Variants in KCNN2 observed in about 807,000 individuals in gnomAD.
The protein encoded by KCNN2 is potassium calcium-activated channel subfamily N member 2, also known as small conductance calcium-activated potassium channel protein 2.
In KCNN2, 24 loss-of-function variants were observed where a neutral mutation model predicts 55.5. The observed-to-expected ratio is 0.43, with a 90% CI of 0.31 to 0.61. The LOEUF is 0.61. KCNN2 is among the 20% of genes least tolerant of loss of function. The pLI is 0.08. For synonymous variants in KCNN2, 431 were observed against 336.1 expected (o/e 1.28, Z -3.09); for missense variants, 754 against 853.6 (o/e 0.88, Z 1.45).
At chr5:114,278,286 G>C (rs958547410) in intron 2 of KCNN2, among the ~76,000 whole-genome samples, 7 of 152,172 alleles carry the variant, frequency 4.6e-5, no homozygotes, top group Non-Finnish European at 7.3e-5. Flanking sequence ...GTGTCTCCCA[G>C]TCAGGCTACA....
At chr5:114,247,219 A>AAG (rs1554076902) in intron 2 of KCNN2, among the ~76,000 whole-genome samples, 1 of 149,440 alleles carries the variant, frequency 6.7e-6, no homozygotes, top group East Asian at 1.9e-4. Flanking sequence ...AAAAAAAAAA[A>AAG]AAAAGAAAAG....
intron 2 of KCNN2, among the ~76,000 whole-genome samples, chr5:114,273,148 T>C (rs1268119558): frequency 3.3e-5 from 5 of 152,182 alleles, no homozygotes; most frequent in Non-Finnish European, 7.3e-5. Context: ...GATCTTGTGA[T>C]AGTTTGCTGA....
chr5:114,322,571 C>T (rs576755707), intron 2 of KCNN2, among the ~76,000 whole-genome samples: 1 of 103,396 alleles, frequency 9.7e-6, no homozygotes, highest in African/African-American at 3.7e-5. Flanking sequence ...GCATACACTC[C>T]CCCATACACA....
chr5:114,484,783 G>C (rs1762376223), intron 5 of KCNN2, among the ~76,000 whole-genome samples: 1 of 152,134 alleles, frequency 6.6e-6, no homozygotes, highest in African/African-American at 2.4e-5. Flanking sequence ...CAACCTATTA[G>C]GGAATTAGAA....
intron 3 of KCNN2, among the ~76,000 whole-genome samples, chr5:114,453,860 G>A (rs1760800716): frequency 6.6e-6 from 1 of 151,830 alleles, no homozygotes; most frequent in Admixed American, 6.6e-5. Flanking sequence ...GAATGTGTAG[G>A]TTTGTTACAT....
rs563667696 is a variant in KCNN2 at position 114,126,428 on chromosome 5, A to G, written c.-271+69928A>G. Among the ~76,000 whole-genome samples the G allele has an allele frequency of 4.6e-5, 7 of 152,252 alleles. No homozygotes were observed. The South Asian group carries it at 1.5e-3, about 32-fold the overall frequency. ...TATGGCAGCAGCAAGCAGAAGAATG[A>G]GTGCCCAGTATAGGGGGAAGCCCCT... On this transcript the variant is annotated intron_variant, in intron 1 of 10. Transcript: ENST00000512097.
intron 2 of KCNN2, among the ~76,000 whole-genome samples, chr5:114,353,770 C>T (rs2150041173): frequency 6.6e-6 from 1 of 152,038 alleles, no homozygotes; most frequent in African/African-American, 2.4e-5. Flanking sequence ...ATCCCACTGC[C>T]TTCTGGTCAC....
rs930351053 is a variant in KCNN2 at position 114,317,850 on chromosome 5, G to A, written c.-184-43095G>A. 2.6e-5 allele frequency among the ~76,000 whole-genome samples: 4 copies of A among 152,304 alleles called. No homozygotes were observed. In the South Asian group the frequency reaches 6.2e-4, roughly 24 times the overall value. On this transcript the variant is annotated intron_variant, in intron 2 of 10. Coordinates refer to the KCNN2 transcript ENST00000512097. ...TAGCAAAATGGGCATGTTTCTTAGCGACTGCCTGCCGCAGGCAACGTGCCT... is the reference window on the plus strand; with the variant it reads ...TAGCAAAATGGGCATGTTTCTTAGCAACTGCCTGCCGCAGGCAACGTGCCT...
intron 1 of KCNN2, among the ~76,000 whole-genome samples, chr5:114,075,820 T>C (rs1750675297): frequency 6.6e-6 from 1 of 152,178 alleles, no homozygotes; most frequent in African/African-American, 2.4e-5. Context: ...ATGCTGCTAC[T>C]TCTATGTTGA....
At chr5:114,109,770 G>T (rs1176734902) in intron 1 of KCNN2, among the ~76,000 whole-genome samples, 2 of 152,068 alleles carry the variant, frequency 1.3e-5, no homozygotes, top group African/African-American at 4.8e-5. Context: ...GGCAGATGAG[G>T]CAGATGTTCA....
intron 2 of KCNN2, among the ~76,000 whole-genome samples, chr5:114,378,090 T>A (rs1454850174): frequency 6.6e-6 from 1 of 152,120 alleles, no homozygotes; most frequent in Non-Finnish European, 1.5e-5. Flanking sequence ...AAGGCAAATA[T>A]TTGCTTAGTT....
At chr5:114,130,843 A>G (rs924284541) in intron 1 of KCNN2, among the ~76,000 whole-genome samples, 4 of 152,214 alleles carry the variant, frequency 2.6e-5, no homozygotes, top group Admixed American at 1.3e-4. Flanking sequence ...ATTGATGCAC[A>G]TGCTTTTATA....
chr5:114,396,345 T>C (rs1405979814), intron 2 of KCNN2, among the ~76,000 whole-genome samples: 2 of 152,190 alleles, frequency 1.3e-5, no homozygotes, highest in Admixed American at 6.5e-5. Context: ...AAACATTACA[T>C]AGGTGTTTTT....
intron 2 of KCNN2, among the ~76,000 whole-genome samples, chr5:114,350,638 G>A (rs1167602692): frequency 4.0e-5 from 6 of 151,878 alleles, no homozygotes; most frequent in African/African-American, 1.2e-4. Context: ...TTTGCATTGT[G>A]TAAAGAAAGG....
intron 1 of KCNN2, among the ~76,000 whole-genome samples, chr5:114,144,773 A>G (rs1403645737): frequency 2.1e-5 from 3 of 142,086 alleles, no homozygotes; most frequent in Admixed American, 7.4e-5. Flanking sequence ...TTCCATATAG[A>G]CAGTGTATAT....
chr5:114,379,071 C>G (rs1008786337), intron 2 of KCNN2, among the ~76,000 whole-genome samples: 1 of 152,158 alleles, frequency 6.6e-6, no homozygotes, highest in African/African-American at 2.4e-5. Flanking sequence ...AGAAGCCCCT[C>G]AGGGCCGCAG....
intron 2 of KCNN2, among the ~76,000 whole-genome samples, chr5:114,246,131 C>T (rs889687872): frequency 2.6e-5 from 4 of 152,014 alleles, no homozygotes; most frequent in Admixed American, 6.6e-5. Context: ...TTCCTATTTT[C>T]GTGAATGTAA....
At chr5:114,325,611 A>G (rs1756700242) in intron 2 of KCNN2, among the ~76,000 whole-genome samples, 1 of 152,214 alleles carries the variant, frequency 6.6e-6, no homozygotes, top group Non-Finnish European at 1.5e-5. Context: ...AAAAGCCAAA[A>G]ACAGAGATGG....
chr5:114,494,327 A>C (rs1416871673), intron 7 of KCNN2, among the ~76,000 whole-genome samples: 1 of 151,450 alleles, frequency 6.6e-6, no homozygotes. Flanking sequence ...AAAAATTACA[A>C]GTATTTGTCC....
Sources: gnomAD v4.1 joint callset for allele counts (sites outside exome capture counted in the v4.1 genomes callset) on GRCh38, gnomAD v4.1.1 for gene constraint, MANE v1.5 for transcripts, NCBI Gene and HGNC (gene_info 2026-07-23, HGNC 2026-07-21) for gene names.